Variants in EXOC2 observed in about 807,000 individuals in gnomAD.
EXOC2 encodes exocyst complex component 2.
In EXOC2, 70 loss-of-function variants were observed where a neutral mutation model predicts 131.8. That is an observed-to-expected ratio of 0.53 (90% CI 0.44 to 0.65). The LOEUF (loss-of-function observed/expected upper bound fraction) is 0.65, where lower values mean the gene tolerates loss of function less well. Ranked by LOEUF, EXOC2 falls within the 30% of genes least tolerant of loss-of-function variation. The pLI, the probability that EXOC2 is intolerant of heterozygous loss-of-function variation, is 0.00. For missense variants in EXOC2, 923 were observed against 1,108.6 expected, an observed-to-expected ratio of 0.83 and a Z score of 2.38; for synonymous variants, 411 against 398.4, an observed-to-expected ratio of 1.03 and a Z score of -0.38.
intron 22 of EXOC2, among the ~76,000 whole-genome samples, chr6:538,719 A>G (rs370776884): frequency 1.4e-4 from 22 of 152,348 alleles, no homozygotes; most frequent in Admixed American, 1.1e-3. Context: ...TGTAAAAGCA[A>G]TGCGCATTCA....
At chr6:595,787 G>T (rs1766834) in intron 10 of EXOC2, among the ~76,000 whole-genome samples, 1 of 152,060 alleles carries the variant, frequency 6.6e-6, no homozygotes, top group South Asian at 2.1e-4. Context: ...GGACGTCTGA[G>T]GCTACCCAGC....
intron 13 of EXOC2, among the ~76,000 whole-genome samples, chr6:567,558 G>A (rs1212018519): frequency 1.3e-5 from 2 of 152,212 alleles, no homozygotes; most frequent in Non-Finnish European, 2.9e-5. Flanking sequence ...TTGTAGATAT[G>A]TATATGTGTA....
intron 1 of EXOC2, chr6:656,136 G>C (rs749567947): frequency 6.2e-7 from 1 of 1,612,060 alleles, no homozygotes; most frequent in South Asian, 1.1e-5. Context: ...ATACTGAAGA[G>C]AGACATCTTC....
rs1226530544 is a variant in EXOC2 at position 682,727 on chromosome 6, T to A, written c.-44+10292A>T. ...AGTTCAGAATAAGTAAATCCATGGA[T>A]GCAGAAAGTGGGAAAGGATTGATAA... is the stretch of plus-strand genomic sequence containing the variant. On this transcript the variant is annotated intron_variant, in intron 1 of 27. Transcript: ENST00000230449. Among the ~76,000 whole-genome samples, 4 of 152,206 alleles carry A rather than the reference T, an allele frequency of 2.6e-5. No homozygotes were observed. In the East Asian group the frequency reaches 7.7e-4, roughly 29 times the overall value.
chr6:566,687 G>C (rs761482119), intron 13 of EXOC2, among the ~76,000 whole-genome samples: 4 of 148,388 alleles, frequency 2.7e-5, no homozygotes, highest in Non-Finnish European at 6.0e-5. Flanking sequence ...TCTTAGGCTT[G>C]GGTACTTTTT....
intron 1 of EXOC2, among the ~76,000 whole-genome samples, chr6:670,733 A>G (rs984441449): frequency 1.3e-5 from 2 of 152,224 alleles, no homozygotes; most frequent in Non-Finnish European, 2.9e-5. Context: ...CACAACTCGC[A>G]TCACATAAGA....
At chr6:656,606 C>G (rs765215769) in intron 1 of EXOC2, 45 of 1,597,654 alleles carry the variant, frequency 2.8e-5, no homozygotes, top group Non-Finnish European at 3.2e-5. Flanking sequence ...CCACCGCCAC[C>G]GTGAGGGAGG....
intron 23 of EXOC2, among the ~76,000 whole-genome samples, chr6:503,280 G>A (rs1035916534): frequency 1.3e-5 from 2 of 152,026 alleles, no homozygotes; most frequent in Admixed American, 6.6e-5. Context: ...CATGGAGGAT[G>A]CCACTAGGCA....
At chr6:673,367 T>C (rs1388802990) in intron 1 of EXOC2, among the ~76,000 whole-genome samples, 2 of 151,640 alleles carry the variant, frequency 1.3e-5, no homozygotes, top group African/African-American at 4.9e-5. Context: ...ATTAAATTAG[T>C]ACCACTTAAG....
rs1471454687 is a variant in EXOC2, at chr6:532,511, A to C, written c.2338T>G (p.Tyr780Asp). 6.2e-7 allele frequency: 1 copy of C among 1,606,856 alleles called. No individual in the cohort carries two copies. Among genetic ancestry groups the C allele is most frequent in the African/African-American group, 1.3e-5 (1 of 74,508 alleles). ...PIVGSLEPGIYAGYFDWKDCL... is the reference protein window; with the variant it reads ...PIVGSLEPGIDAGYFDWKDCL... ...TCCTTCCAATCAAAATATCCTGCAT[A>C]AATTCCAGGTTCTAAGGAGCCAACG... Residue 780 changes from tyrosine (Y) to aspartate (D), a missense_variant, in exon 23 of 28, where the codon TAT (tyrosine) becomes GAT (aspartate). Transcript: ENST00000230449.
intron 22 of EXOC2, among the ~76,000 whole-genome samples, chr6:544,902 C>T (rs1756751902): frequency 6.6e-6 from 1 of 151,862 alleles, no homozygotes; most frequent in African/African-American, 2.4e-5. Context: ...AATCCCAGCA[C>T]TTTGGGAGGC....
intron 7 of EXOC2, among the ~76,000 whole-genome samples, chr6:604,228 T>G (rs781651198): frequency 5.9e-5 from 9 of 152,156 alleles, no homozygotes; most frequent in Non-Finnish European, 1.2e-4. Context: ...CCAAACGTGC[T>G]CCTTCATCCA....
intron 21 of EXOC2, among the ~76,000 whole-genome samples, chr6:552,278 G>C (rs572339282): frequency 6.6e-6 from 1 of 152,354 alleles, no homozygotes; most frequent in African/African-American, 2.4e-5. Context: ...TCCTTGTGAG[G>C]ACCAAGTGCC....
chr6:641,102 A>G (rs1311294175), intron 1 of EXOC2, among the ~76,000 whole-genome samples: 2 of 152,170 alleles, frequency 1.3e-5, no homozygotes, highest in Non-Finnish European at 2.9e-5. Flanking sequence ...ATAAGGCACA[A>G]AAGGCGGATG....
chr6:677,964 A>T (rs1038291061), intron 1 of EXOC2, among the ~76,000 whole-genome samples: 1 of 149,554 alleles, frequency 6.7e-6, no homozygotes, highest in African/African-American at 2.5e-5. Context: ...ACACACACAC[A>T]CTCTTCACGT....
intron 1 of EXOC2, among the ~76,000 whole-genome samples, chr6:688,586 A>G (rs1232039138): frequency 1.3e-5 from 2 of 152,202 alleles, no homozygotes; most frequent in Non-Finnish European, 2.9e-5. Context: ...TCAGAAGTGG[A>G]CCAGTTCCAA....
rs1241544242 is a variant in EXOC2, at chr6:667,135, A to G, written c.-44+25884T>C. On this transcript the variant is annotated intron_variant, in intron 1 of 27. Coordinates refer to ENST00000230449, the MANE Select transcript of EXOC2 (RefSeq NM_018303.6). ...GTCAGATCAATTAATAAGAAAAACT[A>G]AAAACTGTATTTTACCTTCATTCAT... Among the ~76,000 whole-genome samples the G allele has an allele frequency of 5.1e-5, 5 of 97,700 alleles. 2 individuals are homozygous for G. The highest frequency in any genetic ancestry group is 4.6e-4 in the Admixed American group (4 of 8,700). 64.1% of individuals were successfully genotyped at this position (97,700 alleles called of 152,430 possible).
intron 4 of EXOC2, among the ~76,000 whole-genome samples, chr6:628,917 T>C (rs1037882183): frequency 4.6e-5 from 7 of 152,216 alleles, no homozygotes; most frequent in African/African-American, 1.7e-4. Flanking sequence ...AGATGTTACC[T>C]AGAACAGTCA....
intron 23 of EXOC2, among the ~76,000 whole-genome samples, chr6:512,583 G>A (rs1278873986): frequency 6.6e-6 from 1 of 152,216 alleles, no homozygotes; most frequent in Non-Finnish European, 1.5e-5. Context: ...AAAGATTTCA[G>A]ACTGTACAGC....
Sources: allele counts gnomAD v4.1 joint callset (sites outside exome capture counted in the v4.1 genomes callset), GRCh38; gene constraint gnomAD v4.1.1; transcripts MANE v1.5; gene names NCBI Gene and HGNC (gene_info 2026-07-23, HGNC 2026-07-21).